The following TMEM236 variants were observed in gnomAD, a reference collection of about 807,000 sequenced individuals.
TMEM236 encodes the protein transmembrane protein 236.
TMEM236 carries 11 observed loss-of-function variants against 14.7 expected under a neutral mutation model. The observed-to-expected ratio is 0.75, with a 90% CI of 0.47 to 1.24. TMEM236 has a LOEUF of 1.24. TMEM236 is among the 50% of genes most tolerant of loss of function. The probability of loss-of-function intolerance (pLI) is 0.00; values close to 1 mark genes in which losing one functional copy is unlikely to be tolerated. For missense variants in TMEM236, 464 were observed against 427.3 expected, an observed-to-expected ratio of 1.09 and a Z score of -0.76; for synonymous variants, 182 against 168.6, an observed-to-expected ratio of 1.08 and a Z score of -0.62.
rs1486802393 is a variant in TMEM236, at chr10:17,800,208, G to C, written c.*3704G>C. 4 of 150,534 alleles carry C rather than the reference G, an allele frequency of 2.7e-5. No homozygotes were observed. The highest frequency in any genetic ancestry group is 5.9e-5 in the Non-Finnish European group (4 of 67,834). The allele number at this position is 150,534 out of a possible 1,614,324, so 9.3% of individuals were successfully genotyped here. A position where few individuals can be genotyped will look rare whatever the true frequency, so the allele number is the denominator to read the frequency against. On this transcript the variant is annotated 3_prime_UTR_variant, in exon 4 of 4. Transcript: ENST00000377495. ...GATCTCGCCACTATGCTCCAGCCTG[G>C]GCAACAGATTGAGACTCTGTCTCAA... is the stretch of plus-strand genomic sequence containing the variant.
At position 17,777,488 on chromosome 10, in the gene TMEM236, C is replaced by T. The variant is rs1376382033; in HGVS notation, c.472+1318C>T. 2.0e-5 allele frequency among the ~76,000 whole-genome samples: 3 copies of T among 151,832 alleles called. No homozygotes were observed. In the East Asian group the frequency reaches 5.8e-4, roughly 29 times the overall value. The stretch of plus-strand genomic sequence containing the variant: ...TTTTTTTTTCAATTTGAGCTGGGGT[C>T]TTGCTATGTTGCCTAGGCTGACCTA... On this transcript the variant is annotated intron_variant, in intron 3 of 3. Coordinates refer to ENST00000377495, the MANE Select transcript of TMEM236 (RefSeq NM_001098844.3).
chr10:17,752,933 T>A (rs1302473592), intron 1 of TMEM236, among the ~76,000 whole-genome samples: 1 of 152,070 alleles, frequency 6.6e-6, no homozygotes, highest in African/African-American at 2.4e-5. Context: ...TGTTTGTTTT[T>A]TTGTTTGTTG....
At chr10:17,778,612 A>G (rs1408724510) in intron 3 of TMEM236, among the ~76,000 whole-genome samples, 3 of 152,202 alleles carry the variant, frequency 2.0e-5, no homozygotes, top group Non-Finnish European at 4.4e-5. Flanking sequence ...CCTTTAGGAA[A>G]TGTGGGAAAA....
At chr10:17,792,644 G>T (rs1554836124) in intron 3 of TMEM236, among the ~76,000 whole-genome samples, 2 of 152,110 alleles carry the variant, frequency 1.3e-5, no homozygotes, top group African/African-American at 2.4e-5. Context: ...ACACAGTGAC[G>T]ACCAAAAGTC....
chr10:17,775,396 T>A (rs975346170), intron 2 of TMEM236, among the ~76,000 whole-genome samples: 1 of 152,210 alleles, frequency 6.6e-6, no homozygotes, highest in Non-Finnish European at 1.5e-5. Context: ...CATCTCAGCC[T>A]CTCGAGTAGC....
intron 3 of TMEM236, among the ~76,000 whole-genome samples, chr10:17,776,494 C>A (rs1045767653): frequency 6.6e-6 from 1 of 152,126 alleles, no homozygotes; most frequent in Non-Finnish European, 1.5e-5. Context: ...TCTAGGAAGT[C>A]TCTTAAAGCT....
intron 3 of TMEM236, among the ~76,000 whole-genome samples, chr10:17,790,567 A>G (rs921653372): frequency 5.9e-5 from 9 of 152,182 alleles, no homozygotes; most frequent in Non-Finnish European, 1.2e-4. Flanking sequence ...ATAAAGAAAT[A>G]AATAACAGTG....
chr10:17,780,784 T>C (rs1837734618), intron 3 of TMEM236, among the ~76,000 whole-genome samples: 1 of 152,232 alleles, frequency 6.6e-6, no homozygotes, highest in East Asian at 1.9e-4. Context: ...GGAGGTTTAA[T>C]AGACAAAAGA....
intron 1 of TMEM236, among the ~76,000 whole-genome samples, chr10:17,768,046 G>A (rs546965346): frequency 0.01 from 1,492 of 147,242 alleles, 19 homozygotes; most frequent in African/African-American, 0.036. Context: ...AAGTAGCTGC[G>A]ACTACAGGTA....
At chr10:17,753,990 A>G (rs1453223384) in intron 1 of TMEM236, among the ~76,000 whole-genome samples, 1 of 152,224 alleles carries the variant, frequency 6.6e-6, no homozygotes, top group Non-Finnish European at 1.5e-5. Flanking sequence ...ATGTATGGAT[A>G]TTATGGTATC....
At chr10:17,791,689 C>A (rs1168508035) in intron 3 of TMEM236, among the ~76,000 whole-genome samples, 1 of 152,158 alleles carries the variant, frequency 6.6e-6, no homozygotes, top group Admixed American at 6.6e-5. Flanking sequence ...CCTGCAAGTT[C>A]TTTTCTCCAT....
intron 3 of TMEM236, among the ~76,000 whole-genome samples, chr10:17,783,463 G>A (rs1837787014): frequency 6.6e-6 from 1 of 152,162 alleles, no homozygotes; most frequent in Non-Finnish European, 1.5e-5. Context: ...TGCCCGGTAT[G>A]ATGTTGGCAG....
At chr10:17,755,556 TA>T (rs1158235837) in intron 1 of TMEM236, among the ~76,000 whole-genome samples, 2 of 152,166 alleles carry the variant, frequency 1.3e-5, no homozygotes, top group Non-Finnish European at 2.9e-5. Flanking sequence ...GCACTGCTTT[TA>T]TCAGTAGGGT....
At chr10:17,777,370 G>A (rs528360745) in intron 3 of TMEM236, among the ~76,000 whole-genome samples, 6 of 152,274 alleles carry the variant, frequency 3.9e-5, no homozygotes, top group Admixed American at 2.6e-4. Context: ...AGAGTCAAGC[G>A]TATTTGTCTT....
chr10:17,764,533 A>G (rs965452115), intron 1 of TMEM236, among the ~76,000 whole-genome samples: 4 of 152,216 alleles, frequency 2.6e-5, no homozygotes, highest in African/African-American at 7.2e-5. Flanking sequence ...TAGGACTGCT[A>G]TAACAAAGTA....
intron 1 of TMEM236, among the ~76,000 whole-genome samples, chr10:17,754,374 G>A (rs1837252474): frequency 6.6e-6 from 1 of 152,062 alleles, no homozygotes; most frequent in Non-Finnish European, 1.5e-5. Flanking sequence ...AGGTTGGAGT[G>A]CAGTGGCGTG....
chr10:17,776,112 G>A lies in TMEM236; in HGVS notation c.414G>A (p.Leu138=). Residue 138 remains leucine (L), a synonymous_variant, in exon 3 of 4, where the codon CTG becomes CTA. Transcript: ENST00000377495. ...CCGTATCTCTGGTTCTGTTATCCCT[G>A]ATCATGGTTGATATTATTGAAAAAC... is the stretch of plus-strand genomic sequence containing the variant. ...DLPVSLVLLS[L]IMVDIIEKLR... The A allele has an allele frequency of 6.2e-7, 1 of 1,613,726 alleles. No homozygotes were observed. Among genetic ancestry groups the A allele is most frequent in the Non-Finnish European group, 8.5e-7 (1 of 1,179,724 alleles).
chr10:17,790,411 G>A (rs1472752246), intron 3 of TMEM236, among the ~76,000 whole-genome samples: 1 of 151,624 alleles, frequency 6.6e-6, no homozygotes, highest in Non-Finnish European at 1.5e-5. Context: ...GGGAATAAAC[G>A]AATGGATGAA....
chr10:17,773,253 C>T lies in TMEM236; in HGVS notation c.330+1872C>T, dbSNP rs573348486. Among the ~76,000 whole-genome samples, 6 of 152,290 alleles carry T rather than the reference C, an allele frequency of 3.9e-5. No individual in the cohort carries two copies. The South Asian group carries it at 1.0e-3, about 26-fold the overall frequency. Reference sequence around the variant, plus strand: ...AATTGTGAGAGATAAGGTCAAACAGCTTTTCAAACAGATTGTACTGATTTC... The same window carrying T: ...AATTGTGAGAGATAAGGTCAAACAGTTTTTCAAACAGATTGTACTGATTTC... On this transcript the variant is annotated intron_variant, in intron 2 of 3. Coordinates refer to ENST00000377495, the MANE Select transcript of TMEM236 (RefSeq NM_001098844.3).
Sources: allele counts gnomAD v4.1 joint callset (sites outside exome capture counted in the v4.1 genomes callset), GRCh38; gene constraint gnomAD v4.1.1; transcripts MANE v1.5; gene names NCBI Gene and HGNC (gene_info 2026-07-23, HGNC 2026-07-21).